TLN2: variants seen among roughly 807,000 people sequenced by gnomAD.
The protein encoded by TLN2 is talin 2.
Under a neutral mutation model 294.7 loss-of-function variants are expected in TLN2, and 118 were observed. The observed-to-expected ratio is 0.40, with a 90% CI of 0.34 to 0.47. The LOEUF is 0.47. Ranked by LOEUF, TLN2 falls within the 20% of genes least tolerant of loss-of-function variation. The pLI is 0.84. For missense variants in TLN2, 3,083 were observed against 3,282.2 expected (o/e 0.94, Z 1.48); for synonymous variants, 1,431 against 1,304.5 (o/e 1.10, Z -2.09).
At chr15:62,656,282 G>A (rs1437494711) in intron 8 of TLN2, among the ~76,000 whole-genome samples, 196 bp downstream of exon 8, 3 of 152,166 alleles carry the variant, frequency 2.0e-5, no homozygotes, top group South Asian at 2.1e-4. Context: ...CTGACCATCC[G>A]GAGTAGGGCC....
intron 1 of TLN2, among the ~76,000 whole-genome samples, chr15:62,543,461 T>C (rs2140528295): frequency 6.6e-6 from 1 of 152,094 alleles, no homozygotes; most frequent in South Asian, 2.1e-4. Flanking sequence ...GAGACAGATG[T>C]AAGATGGAGC....
At chr15:62,768,814 C>T (rs2063177307) in intron 41 of TLN2, among the ~76,000 whole-genome samples, 1 of 152,356 alleles carries the variant, frequency 6.6e-6, no homozygotes, top group Admixed American at 6.5e-5. Context: ...TTACTGAGTA[C>T]TTCCTATTTG....
At chr15:62,481,798 C>CTTTTTTTTTTTT (rs60002079) in intron 1 of TLN2, among the ~76,000 whole-genome samples, 2 of 115,738 alleles carry the variant, frequency 1.7e-5, no homozygotes, top group African/African-American at 7.1e-5. Context: ...TTCTTTCTTT[C>CTTTTTTTTTTTT]TTTTTTTTTT....
intron 2 of TLN2, among the ~76,000 whole-genome samples, chr15:62,593,226 C>T (rs570651118): frequency 7.2e-5 from 11 of 152,154 alleles, no homozygotes; most frequent in Non-Finnish European, 1.6e-4. Flanking sequence ...TGCCACCCTC[C>T]ATTAGCTGAT....
At chr15:62,766,472 G>GA (rs768555873) in intron 41 of TLN2, 50 bp downstream of exon 41, 2 of 1,538,034 alleles carry the variant, frequency 1.3e-6, no homozygotes, top group African/African-American at 2.7e-5. Flanking sequence ...TATCACAGGA[G>GA]AGAGGGTTTT....
chr15:62,501,540 G>A (rs1303167147), intron 1 of TLN2, among the ~76,000 whole-genome samples: 1 of 152,196 alleles, frequency 6.6e-6, no homozygotes, highest in Non-Finnish European at 1.5e-5. Flanking sequence ...TTAATTCCTG[G>A]TTAGGGCTTT....
intron 1 of TLN2, among the ~76,000 whole-genome samples, chr15:62,474,536 G>A (rs1237930741): frequency 2.6e-5 from 4 of 152,124 alleles, no homozygotes; most frequent in African/African-American, 9.7e-5. Flanking sequence ...TAGCTACTCG[G>A]GAGGCTGAGA....
intron 31 of TLN2, 79 bp downstream of exon 31, chr15:62,739,624 A>G (rs909837559): frequency 1.2e-5 from 19 of 1,523,482 alleles, no homozygotes; most frequent in Middle Eastern, 1.8e-4. Context: ...GACTGACTGA[A>G]CAAATAGGAA....
At chr15:62,660,445 G>A (rs1182198137) in intron 9 of TLN2, among the ~76,000 whole-genome samples, 2 of 152,218 alleles carry the variant, frequency 1.3e-5, no homozygotes, top group Non-Finnish European at 2.9e-5. Context: ...GCCCAGAACA[G>A]TCAAGTGTGG....
chr15:62,655,511 C>G (rs557145584), intron 7 of TLN2, among the ~76,000 whole-genome samples: 1 of 152,286 alleles, frequency 6.6e-6, no homozygotes, highest in Non-Finnish European at 1.5e-5. Flanking sequence ...CTCAAGATCA[C>G]TTTATTAGGT....
intron 45 of TLN2, 77 bp downstream of exon 45, chr15:62,783,967 A>T: frequency 1.3e-6 from 2 of 1,590,602 alleles, no homozygotes; most frequent in Non-Finnish European, 1.7e-6. Context: ...TTCATAGCTT[A>T]GCTCCACTCT....
chr15:62,742,468 A>AAG (rs1340296904), intron 32 of TLN2, among the ~76,000 whole-genome samples: 2 of 151,906 alleles, frequency 1.3e-5, no homozygotes, highest in Non-Finnish European at 2.9e-5. Flanking sequence ...GAATGGCTTC[A>AAG]CTCTCCTAAA....
chr15:62,620,842 T>C (rs1223186892), intron 3 of TLN2, among the ~76,000 whole-genome samples: 146 of 133,564 alleles, frequency 1.1e-3, no homozygotes, highest in African/African-American at 4.0e-3. Flanking sequence ...TTTTTCTTTT[T>C]TTTTTTTTTT....
chr15:62,689,807 A>AT (rs2057621547), intron 12 of TLN2, among the ~76,000 whole-genome samples: 1 of 46,214 alleles, frequency 2.2e-5, no homozygotes, highest in South Asian at 6.5e-4. Context: ...TTTTTAAGAT[A>AT]TTTTTATCTC....
At chr15:62,552,201 T>A (rs777637107) in intron 1 of TLN2, among the ~76,000 whole-genome samples, 4 of 152,238 alleles carry the variant, frequency 2.6e-5, no homozygotes, top group Non-Finnish European at 4.4e-5. Flanking sequence ...TGGTCGATAA[T>A]CACTGAGTTA....
At position 62,553,814 on chromosome 15, in the gene TLN2, T is replaced by C. The variant is rs566125399; in HGVS notation, c.-237-35873T>C. 1.0e-3 allele frequency among the ~76,000 whole-genome samples: 154 copies of C among 152,304 alleles called. 2 individuals are homozygous for C. In the South Asian group the frequency reaches 0.031, roughly 31 times the overall value. The stretch of plus-strand genomic sequence containing the variant: ...TGGAAAAATGCTTCCTTATTATTTA[T>C]AAAATACTTATTAAAATGCTTAAGT... On this transcript the variant is annotated intron_variant, in intron 1 of 58. Transcript: ENST00000636159.
chr15:62,402,370 T>C (rs1337530174), intron 1 of TLN2, among the ~76,000 whole-genome samples: 1 of 152,208 alleles, frequency 6.6e-6, no homozygotes, highest in Non-Finnish European at 1.5e-5. Flanking sequence ...TTTGTCTTAT[T>C]GCCTCTAGTA....
intron 53 of TLN2, 82 bp from the exon 54 acceptor site, chr15:62,820,404 A>G (rs1052156508): frequency 1.3e-6 from 2 of 1,498,156 alleles, no homozygotes; most frequent in Non-Finnish European, 9.0e-7. Context: ...TCATGCATGC[A>G]AATCCAGATA....
chr15:62,788,277 C>T (rs1270039915), intron 45 of TLN2, among the ~76,000 whole-genome samples: 3 of 151,968 alleles, frequency 2.0e-5, no homozygotes, highest in Non-Finnish European at 4.4e-5. Flanking sequence ...CACCATTGTA[C>T]TCCAGCCTAG....
Sources: allele counts gnomAD v4.1 joint callset (sites outside exome capture counted in the v4.1 genomes callset), GRCh38; gene constraint gnomAD v4.1.1; transcripts MANE v1.5; gene names NCBI Gene and HGNC (gene_info 2026-07-23, HGNC 2026-07-21).